Variants in NOL4 observed in about 807,000 individuals in gnomAD.
NOL4 encodes cancer/testis antigen 125.
Under a neutral mutation model 75.9 loss-of-function variants are expected in NOL4, and 17 were observed. That is an observed-to-expected ratio of 0.22 (90% CI 0.15 to 0.34). NOL4 has a LOEUF of 0.34. Ranked by LOEUF, NOL4 falls within the 10% of genes least tolerant of loss-of-function variation. The pLI, the probability that NOL4 is intolerant of heterozygous loss-of-function variation, is 1.00. For missense variants in NOL4, 614 were observed against 793.5 expected, an observed-to-expected ratio of 0.77 and a Z score of 2.72; for synonymous variants, 292 against 289.9, an observed-to-expected ratio of 1.01 and a Z score of -0.07.
chr18:33,925,324 T>A (rs920729590), intron 9 of NOL4, among the ~76,000 whole-genome samples: 1 of 152,134 alleles, frequency 6.6e-6, no homozygotes, highest in Admixed American at 6.5e-5. Flanking sequence ...ATCAAATAAA[T>A]GATAGTTGAC....
At chr18:34,148,567 T>A (rs1435412030) in intron 1 of NOL4, among the ~76,000 whole-genome samples, 1 of 152,160 alleles carries the variant, frequency 6.6e-6, no homozygotes, top group Non-Finnish European at 1.5e-5. Context: ...GATTGCACTG[T>A]GGTCTGAGAG....
chr18:34,208,335 G>A (rs1430253843), intron 1 of NOL4, among the ~76,000 whole-genome samples: 1 of 151,816 alleles, frequency 6.6e-6, no homozygotes, highest in Non-Finnish European at 1.5e-5. Context: ...TAGAAACAAA[G>A]ACTCATGAGC....
rs569552427 is a variant in NOL4, at chr18:33,875,787, G to T, written c.1723+7457C>A. The stretch of plus-strand genomic sequence containing the variant: ...ATTAAGCAAATATTATTGAGCACTT[G>T]CTATATGTCTGACCTTACTTAGAGG... On this transcript the variant is annotated intron_variant, in intron 10 of 10. Transcript: ENST00000261592. Among the ~76,000 whole-genome samples the T allele has an allele frequency of 8.8e-4, 134 of 152,028 alleles. No homozygotes were observed. The Middle Eastern group carries it at 0.048, about 54-fold the overall frequency.
intron 1 of NOL4, among the ~76,000 whole-genome samples, chr18:34,206,008 G>T (rs1412993265): frequency 6.6e-6 from 1 of 151,888 alleles, no homozygotes; most frequent in Non-Finnish European, 1.5e-5. Flanking sequence ...CTTGCTTAAG[G>T]TGCATCCCAC....
At chr18:34,146,894 T>C (rs1040722130) in intron 1 of NOL4, among the ~76,000 whole-genome samples, 1 of 152,174 alleles carries the variant, frequency 6.6e-6, no homozygotes, top group African/African-American at 2.4e-5. Flanking sequence ...TCTTATTTCC[T>C]TGAGCAGTGG....
chr18:33,949,909 A>G (rs1411637217), intron 8 of NOL4, among the ~76,000 whole-genome samples: 2 of 152,078 alleles, frequency 1.3e-5, no homozygotes, highest in African/African-American at 4.8e-5. Flanking sequence ...TGATCAAGAC[A>G]CAGGATCAAC....
At chr18:33,865,961 TAAGAAAATACAAAAAGC>T (rs528932067) in intron 10 of NOL4, among the ~76,000 whole-genome samples, 108 of 152,238 alleles carry the variant, frequency 7.1e-4, no homozygotes, top group African/African-American at 2.4e-3. Flanking sequence ...TACACATACT[TAAGAAAATACAAAAAGC>T]AAGAAATGTA....
intron 9 of NOL4, among the ~76,000 whole-genome samples, chr18:33,910,737 C>T (rs2145134125): frequency 6.6e-6 from 1 of 152,160 alleles, no homozygotes; most frequent in East Asian, 1.9e-4. Context: ...AATGTTTGTT[C>T]CTTCAGTATT....
intron 6 of NOL4, among the ~76,000 whole-genome samples, chr18:34,006,702 G>C (rs1423293318): frequency 4.6e-5 from 7 of 152,020 alleles, no homozygotes; most frequent in African/African-American, 1.7e-4. Context: ...AGCAAAATAA[G>C]TGTGGCAATA....
In NOL4 at chr18:33,984,424, A is replaced by G. The variant is rs118151061; in HGVS notation, c.1057-26006T>C. Among the ~76,000 whole-genome samples, 168 of 152,140 alleles carry G rather than the reference A, an allele frequency of 1.1e-3. 5 individuals are homozygous for G. In the East Asian group the frequency reaches 0.023, roughly 21 times the overall value. ...AGGTTTTGGATCTGTGTCCCCACCC[A>G]AATCTCATGTTCAATAATAATCCCC... is the stretch of plus-strand genomic sequence containing the variant. On this transcript the variant is annotated intron_variant, in intron 6 of 10. Transcript: ENST00000261592.
In NOL4 at chr18:33,866,812, T is replaced by C. The variant is rs114565062; in HGVS notation, c.1724-13777A>G. ...CTTTTTAACTTAAGCTGAACAAACA[T>C]ACTACATAATGGCATAATGATTTAC... On this transcript the variant is annotated intron_variant, in intron 10 of 10. Coordinates refer to ENST00000261592, the MANE Select transcript of NOL4 (RefSeq NM_003787.5). Among the ~76,000 whole-genome samples the C allele has an allele frequency of 2.2e-4, 33 of 152,284 alleles. 1 individual carries two copies. The highest frequency in any genetic ancestry group is 7.7e-4 in the African/African-American group (32 of 41,584).
chr18:33,909,410 A>G (rs1315536241), intron 9 of NOL4, among the ~76,000 whole-genome samples: 1 of 152,150 alleles, frequency 6.6e-6, no homozygotes, highest in Non-Finnish European at 1.5e-5. Context: ...CACATTTCCA[A>G]GTGGCTACTG....
chr18:34,121,296 CAT>C (rs1248107198), intron 2 of NOL4: 1 of 152,090 alleles, frequency 6.6e-6, no homozygotes, highest in Non-Finnish European at 1.5e-5. Context: ...TAATATGATA[CAT>C]TTATATTTCC....
At chr18:34,010,479 T>G (rs1469077996) in intron 6 of NOL4, among the ~76,000 whole-genome samples, 1 of 151,940 alleles carries the variant, frequency 6.6e-6, no homozygotes, top group African/African-American at 2.4e-5. Flanking sequence ...CAGCTAGCTC[T>G]TTGATATACC....
At chr18:34,023,961 A>G (rs1600289056) in intron 5 of NOL4, among the ~76,000 whole-genome samples, 1 of 151,890 alleles carries the variant, frequency 6.6e-6, no homozygotes, top group East Asian at 1.9e-4. Context: ...ATTTTGTAGA[A>G]AAGTGGTTTC....
intron 10 of NOL4, among the ~76,000 whole-genome samples, chr18:33,876,531 T>C (rs1465665975): frequency 6.6e-6 from 1 of 152,068 alleles, no homozygotes; most frequent in Non-Finnish European, 1.5e-5. Flanking sequence ...GCATCTAATA[T>C]AATGCTAATC....
At chr18:34,039,665 C>G (rs1420023043) in intron 5 of NOL4, among the ~76,000 whole-genome samples, 1 of 151,924 alleles carries the variant, frequency 6.6e-6, no homozygotes, top group African/African-American at 2.4e-5. Context: ...GTAGTAACAG[C>G]TAGTTTAAAC....
intron 1 of NOL4, among the ~76,000 whole-genome samples, chr18:34,152,270 A>G (rs2081674650): frequency 6.6e-6 from 1 of 151,890 alleles, no homozygotes; most frequent in South Asian, 2.1e-4. Flanking sequence ...CATGTGAGCA[A>G]TGGGCCACAA....
At chr18:33,943,306 T>C in intron 8 of NOL4, 128 bp from the exon 9 acceptor site, 1 of 627,862 alleles carries the variant, frequency 1.6e-6, no homozygotes, top group Non-Finnish European at 2.8e-6. Context: ...CAACTGAACT[T>C]GTTTCAATAG....
Sources: gnomAD v4.1 joint callset for allele counts (sites outside exome capture counted in the v4.1 genomes callset) on GRCh38, gnomAD v4.1.1 for gene constraint, MANE v1.5 for transcripts, NCBI Gene and HGNC (gene_info 2026-07-23, HGNC 2026-07-21) for gene names.